ERCC3: variants seen among roughly 807,000 people sequenced by gnomAD.
The protein encoded by ERCC3 is general transcription and DNA repair factor IIH helicase/translocase subunit XPB.
In ERCC3, 66 loss-of-function variants were observed where a neutral mutation model predicts 94.2. The observed-to-expected ratio is 0.70, with a 90% CI of 0.57 to 0.86. The LOEUF (loss-of-function observed/expected upper bound fraction) is 0.86. ERCC3 is among the 40% of genes least tolerant of loss of function. ERCC3 has a pLI of 0.00. For synonymous variants in ERCC3, 349 were observed against 369.1 expected (o/e 0.95, Z 0.63); for missense variants, 829 against 987.1 (o/e 0.84, Z 2.15).
At chr2:127,292,159 G>C (rs144944081) in intron 3 of ERCC3, 7 of 290,940 alleles carry the variant, frequency 2.4e-5, no homozygotes, top group Non-Finnish European at 4.1e-5. Flanking sequence ...AGCGGATCAC[G>C]ACCTCATTTA....
In ERCC3 at chr2:127,274,453, C is replaced by A. The variant is rs1372100909; in HGVS notation, c.1731-1492G>T. Among the ~76,000 whole-genome samples the A allele has an allele frequency of 1.3e-5, 2 of 152,228 alleles. No homozygotes were observed. Among genetic ancestry groups the A allele is most frequent in the Non-Finnish European group, 2.9e-5 (2 of 68,038 alleles). ...GGGTCAGAAGCCTGAGCAGGTGGAA[C>A]CTGGGAGTGGCTGCTCCACTGCCGA... is the stretch of plus-strand genomic sequence containing the variant. On this transcript the variant is annotated intron_variant, in intron 10 of 14. Transcript: ENST00000285398. The surrounding 1 kb of genome is among the most constrained non-coding windows in gnomAD (Gnocchi z 4.0).
intron 10 of ERCC3, 79 bp from the exon 11 acceptor site, chr2:127,273,040 C>G: frequency 1.1e-6 from 1 of 881,224 alleles, no homozygotes; most frequent in Non-Finnish European, 1.9e-6. Flanking sequence ...GAAAAAGGAG[C>G]TCAGGCTAGC....
chr2:127,276,043 A>G (rs542485893), intron 10 of ERCC3, among the ~76,000 whole-genome samples: 1 of 152,238 alleles, frequency 6.6e-6, no homozygotes, highest in South Asian at 2.1e-4. Flanking sequence ...CAGGCAGGCC[A>G]CCTCCACTGG....
intron 5 of ERCC3, 73 bp downstream of exon 5, chr2:127,289,616 G>C: frequency 6.2e-7 from 1 of 1,607,264 alleles, no homozygotes; most frequent in Non-Finnish European, 8.5e-7. Context: ...TAAGTGCTGG[G>C]TTAAAGACAC....
rs552035814 is a variant in ERCC3, at chr2:127,270,254, G to T, written c.1945+1082C>A. 3.3e-5 allele frequency among the ~76,000 whole-genome samples: 5 copies of T among 152,026 alleles called. No individual in the cohort carries two copies. In the South Asian group the frequency reaches 1.0e-3, roughly 32 times the overall value. ...TGCCCAAGATGGTCTCAAACTCCTGGGCTCAAGCTATCCTCCTGCCTTGGC... is the reference window on the plus strand; with the variant it reads ...TGCCCAAGATGGTCTCAAACTCCTGTGCTCAAGCTATCCTCCTGCCTTGGC... On this transcript the variant is annotated intron_variant, in intron 12 of 14. Transcript: ENST00000285398.
Position 127,290,270 on chromosome 2 carries a change from A to ACTG in ERCC3, c.474_475insCAG (p.Leu158_Cys159insGln). 6.2e-7 allele frequency: 1 copy of ACTG among 1,613,202 alleles called. No homozygotes were observed. Among genetic ancestry groups the ACTG allele is most frequent in the South Asian group, 1.1e-5 (1 of 91,068 alleles). The stretch of plus-strand genomic sequence containing the variant: ...TTGACTTTTCCATAGCTGACAGTAC[A>ACTG]CAACTGCAAATACAGATAACATCCA... On this transcript the variant is annotated inframe_insertion, in exon 4 of 15. Transcript: ENST00000285398.
chr2:127,270,013 T>C (rs907097200), intron 12 of ERCC3, among the ~76,000 whole-genome samples: 1 of 140,670 alleles, frequency 7.1e-6, no homozygotes, highest in African/African-American at 2.5e-5. Flanking sequence ...AGAATAAGAC[T>C]CTATCTCAAT....
intron 8 of ERCC3, among the ~76,000 whole-genome samples, chr2:127,282,911 G>A (rs1361715140): frequency 6.6e-6 from 1 of 152,100 alleles, no homozygotes; most frequent in Non-Finnish European, 1.5e-5. Context: ...GGGACCTGGG[G>A]CTTGGGTTAA....
chr2:127,291,251 GCTTT>G lies in ERCC3; in HGVS notation c.472-982_472-979del, dbSNP rs913182371. Among the ~76,000 whole-genome samples the G allele has an allele frequency of 6.6e-6, 1 of 151,992 alleles. No individual in the cohort carries two copies. Among genetic ancestry groups the G allele is most frequent in the Non-Finnish European group, 1.5e-5 (1 of 68,014 alleles). On this transcript the variant is annotated intron_variant, in intron 3 of 14. Transcript: ENST00000285398. This position sits in a 1 kb window ranked among gnomAD's most constrained non-coding sequence, Gnocchi z 4.9. ...GGTACAAGGTCCTCTCCTTGGGCAC[GCTTT>G]CTTTTTTGTTGTTGTTCTGAGGCGG...
chr2:127,265,020 T>C (rs1684312707), intron 12 of ERCC3, among the ~76,000 whole-genome samples: 1 of 152,054 alleles, frequency 6.6e-6, no homozygotes, highest in South Asian at 2.1e-4. Context: ...CCTAGTTTTG[T>C]ATTTTTAGTA....
intron 8 of ERCC3, among the ~76,000 whole-genome samples, chr2:127,281,430 G>T (rs1350861082): frequency 6.6e-6 from 1 of 151,936 alleles, no homozygotes; most frequent in Non-Finnish European, 1.5e-5. Flanking sequence ...ATTCTCTCTG[G>T]TTTATCAAAT....
chr2:127,282,891 C>T (rs547455019), intron 8 of ERCC3, among the ~76,000 whole-genome samples: 2 of 152,200 alleles, frequency 1.3e-5, no homozygotes, highest in South Asian at 4.1e-4. Context: ...GCTGTTGTCC[C>T]CTGGAACCTG....
At position 127,286,620 on chromosome 2, in the gene ERCC3, C is replaced by T. The variant is rs1685075689; in HGVS notation, c.1342+83G>A. On this transcript the variant is annotated intron_variant, in intron 8 of 14. Coordinates refer to ENST00000285398, the MANE Select transcript of ERCC3 (RefSeq NM_000122.2). ...TCTTTCTAGCCAGTTGGGTGGGCTACACAGCAGTCCCTTTCCCAACCTAAC... is the reference window on the plus strand; with the variant it reads ...TCTTTCTAGCCAGTTGGGTGGGCTATACAGCAGTCCCTTTCCCAACCTAAC... 45 of 1,327,250 alleles carry T rather than the reference C, an allele frequency of 3.4e-5. No individual in the cohort carries two copies. The South Asian group carries it at 4.9e-4, about 15-fold the overall frequency. The allele number at this position is 1,327,250 out of a possible 1,614,324, so 82.2% of individuals were successfully genotyped here.
In ERCC3 at chr2:127,271,447, C is replaced by A; in HGVS notation, c.1834G>T (p.Asp612Tyr). The change falls in exon 12 of 15, where the codon GAC (aspartate) becomes TAC (tyrosine). Residue 612 changes from aspartate (D) to tyrosine (Y), a missense_variant. Coordinates refer to ENST00000285398, the MANE Select transcript of ERCC3 (RefSeq NM_000122.2). The surrounding 1 kb of genome is among the most constrained non-coding windows in gnomAD (Gnocchi z 5.0). ...GCTTCCGGCAGATCAAACGAAGTGT[C>A]ACCTACCTACAGAAACAAGTTGGAA... The part of the protein sequence containing the change: ...INTIFISKVG[D>Y]TSFDLPEANV... 1 of 1,610,808 alleles carries A rather than the reference C, an allele frequency of 6.2e-7. No homozygotes were observed. Among genetic ancestry groups the A allele is most frequent in the South Asian group, 1.1e-5 (1 of 90,992 alleles).
intron 1 of ERCC3, 129 bp from the exon 2 acceptor site, chr2:127,293,847 C>A (rs780333960): frequency 4.5e-6 from 7 of 1,568,644 alleles, no homozygotes; most frequent in Non-Finnish European, 6.0e-6. Flanking sequence ...GCAGGCGTTG[C>A]GCCCCTCACC....
chr2:127,263,953 G>A (rs57402521), intron 12 of ERCC3, among the ~76,000 whole-genome samples: 1 of 152,048 alleles, frequency 6.6e-6, no homozygotes, highest in African/African-American at 2.4e-5. Context: ...GTTGTGATCC[G>A]CCCACCTCGG....
chr2:127,270,725 T>C (rs1573938752), intron 12 of ERCC3, among the ~76,000 whole-genome samples: 1 of 152,210 alleles, frequency 6.6e-6, no homozygotes, highest in Non-Finnish European at 1.5e-5. Flanking sequence ...AGAGTGTCAG[T>C]CCCTGCCATG....
At chr2:127,268,389 G>A (rs1340179961) in intron 12 of ERCC3, among the ~76,000 whole-genome samples, 1 of 152,084 alleles carries the variant, frequency 6.6e-6, no homozygotes, top group Non-Finnish European at 1.5e-5. Flanking sequence ...CTCCGGAGTG[G>A]CTGGGACTAC....
chr2:127,272,376 T>C (rs1349942086), intron 11 of ERCC3, among the ~76,000 whole-genome samples: 1 of 152,120 alleles, frequency 6.6e-6, no homozygotes, highest in Non-Finnish European at 1.5e-5. Context: ...TGAATGACTA[T>C]TCTAAACTGT....
Sources: gnomAD v4.1 joint callset for allele counts (sites outside exome capture counted in the v4.1 genomes callset) on GRCh38, gnomAD v4.1.1 for gene constraint, Gnocchi (gnomAD v3.1) non-coding constraint, MANE v1.5 for transcripts, NCBI Gene and HGNC (gene_info 2026-07-23, HGNC 2026-07-21) for gene names.